Variants in TTI1 observed in about 807,000 individuals in gnomAD.
TTI1 encodes the protein TELO2 interacting protein 1.
Under a neutral mutation model 85.4 loss-of-function variants are expected in TTI1, and 52 were observed. The ratio of observed to expected loss-of-function variants is 0.61; its 90% CI spans 0.49 to 0.77. The LOEUF (loss-of-function observed/expected upper bound fraction) is 0.77, where lower values mean the gene tolerates loss of function less well. Among genes scored for constraint, TTI1 ranks in the 30% least tolerant of loss-of-function variants. The pLI is 0.00. For synonymous variants in TTI1, 512 were observed against 503.9 expected (o/e 1.02, Z -0.22); for missense variants, 1,173 against 1,296.0 (o/e 0.91, Z 1.46).
At position 37,996,342 on chromosome 20, in the gene TTI1, C is replaced by T. The variant is rs368305458; in HGVS notation, c.3086+33G>A. On this transcript the variant is annotated intron_variant, in intron 7 of 7. Transcript: ENST00000373447. ...CAAATCATCTGTAATTTAGAACAAA[C>T]GTAAAGGGATGCGGGTGATCAGGCA... is the stretch of plus-strand genomic sequence containing the variant. The T allele has an allele frequency of 9.3e-5, 150 of 1,611,474 alleles. No homozygotes were observed. In the African/African-American group the frequency reaches 1.1e-3, roughly 11 times the overall value.
intron 1 of TTI1, among the ~76,000 whole-genome samples, chr20:38,030,473 T>C (rs139025233): frequency 6.6e-6 from 1 of 151,470 alleles, no homozygotes; most frequent in South Asian, 2.1e-4. Flanking sequence ...ATTTCTCTCA[T>C]GAGTATAGAT....
chr20:37,995,406 T>A (rs1337234041), intron 7 of TTI1, among the ~76,000 whole-genome samples: 1 of 152,218 alleles, frequency 6.6e-6, no homozygotes, highest in Non-Finnish European at 1.5e-5. Flanking sequence ...AGGGAATGAG[T>A]TGACTCCTAA....
At chr20:38,015,737 T>G (rs1404289061) in intron 1 of TTI1, among the ~76,000 whole-genome samples, 3 of 152,152 alleles carry the variant, frequency 2.0e-5, no homozygotes, top group Non-Finnish European at 4.4e-5. Flanking sequence ...AAAGCTCCAC[T>G]GATGAAATTT....
chr20:38,016,909 G>A (rs958726673), intron 1 of TTI1, among the ~76,000 whole-genome samples: 8 of 152,182 alleles, frequency 5.3e-5, no homozygotes, highest in Non-Finnish European at 1.0e-4. Flanking sequence ...CATGGCATAC[G>A]GGGCCTTTCA....
chr20:38,030,027 G>A (rs1359503349), intron 1 of TTI1, among the ~76,000 whole-genome samples: 1 of 152,036 alleles, frequency 6.6e-6, no homozygotes, highest in African/African-American at 2.4e-5. Flanking sequence ...TCTGTTATAA[G>A]CAACAGAAAA....
Position 38,012,169 on chromosome 20 carries a change from G to A in TTI1, c.1648C>T (p.Pro550Ser). The change falls in exon 2 of 8, where the codon CCA becomes TCA. Residue 550 changes from proline to serine, a missense_variant. Pro to Ser is a moderately conservative substitution (Grantham distance 74). Coordinates refer to ENST00000373447, the MANE Select transcript of TTI1 (RefSeq NM_001303457.2). ...DLHEKHIKTN[P>S]EELREIVTSI... Reference sequence around the variant, plus strand: ...GTCACAATCTCTCTCAGTTCTTCTGGGTTTGTTTTAATATGTTTTTCGTGA... The same window carrying A: ...GTCACAATCTCTCTCAGTTCTTCTGAGTTTGTTTTAATATGTTTTTCGTGA... 4 of 1,614,030 alleles carry A rather than the reference G, an allele frequency of 2.5e-6. No homozygotes were observed. The highest frequency in any genetic ancestry group is 3.4e-6 in the Non-Finnish European group (4 of 1,180,028).
intron 1 of TTI1, among the ~76,000 whole-genome samples, chr20:38,028,390 G>A (rs1335222874): frequency 6.6e-6 from 1 of 152,142 alleles, no homozygotes; most frequent in African/African-American, 2.4e-5. Context: ...ATTAGCACCA[G>A]ATAAAGTAGA....
At position 38,012,282 on chromosome 20, in the gene TTI1, TA is replaced by T. The variant is rs2073607319; in HGVS notation, c.1534del (p.Tyr512ThrfsTer13). The T allele has an allele frequency of 6.2e-6, 10 of 1,614,180 alleles. No homozygotes were observed. In the East Asian group the frequency reaches 2.2e-4, roughly 36 times the overall value. ...CTTCCGGTAAACCACAGATTGATGG[TA>T]AAGTTCCATAAAGTGATCCACAAGC... is the stretch of plus-strand genomic sequence containing the variant. ...YLLVDHFMEL[Y>X]HQSVVYRKQA... On this transcript the variant is annotated frameshift_variant, in exon 2 of 8. Coordinates refer to ENST00000373447, the MANE Select transcript of TTI1 (RefSeq NM_001303457.2). LOFTEE classifies it high-confidence loss of function.
At chr20:38,031,813 G>C (rs934481435) in intron 1 of TTI1, among the ~76,000 whole-genome samples, 1 of 152,106 alleles carries the variant, frequency 6.6e-6, no homozygotes, top group Non-Finnish European at 1.5e-5. Context: ...AGTACATAGG[G>C]TACTTAACCA....
chr20:37,994,634 G>C (rs1600609808), intron 7 of TTI1, among the ~76,000 whole-genome samples: 1 of 152,102 alleles, frequency 6.6e-6, no homozygotes, highest in South Asian at 2.1e-4. Context: ...CCAACTTCAA[G>C]ATAAGTTTGC....
At chr20:37,990,940 T>G (rs1345428998) in intron 7 of TTI1, among the ~76,000 whole-genome samples, 5 of 152,252 alleles carry the variant, frequency 3.3e-5, no homozygotes, top group Non-Finnish European at 1.5e-5. Flanking sequence ...AGCACTGAAT[T>G]TAAGTAGATT....
intron 7 of TTI1, among the ~76,000 whole-genome samples, chr20:37,992,338 T>C (rs1248635725): frequency 1.3e-5 from 2 of 152,122 alleles, no homozygotes; most frequent in East Asian, 3.9e-4. Flanking sequence ...TGCAGTGGTG[T>C]GATCACGGCT....
intron 1 of TTI1, among the ~76,000 whole-genome samples, chr20:38,021,047 T>G (rs1568629553): frequency 6.6e-6 from 1 of 152,192 alleles, no homozygotes; most frequent in Non-Finnish European, 1.5e-5. Flanking sequence ...AAAGATATAT[T>G]CTGGAATTTA....
At chr20:38,020,666 A>G (rs956263009) in intron 1 of TTI1, among the ~76,000 whole-genome samples, 4 of 152,162 alleles carry the variant, frequency 2.6e-5, no homozygotes, top group African/African-American at 7.2e-5. Context: ...AAGGAAAGAC[A>G]ACCTAACAGA....
chr20:37,993,906 G>A (rs76081218), intron 7 of TTI1, among the ~76,000 whole-genome samples: 3 of 152,354 alleles, frequency 2.0e-5, no homozygotes, highest in African/African-American at 7.2e-5. Flanking sequence ...GACTGGAAGT[G>A]GGACCAGTGG....
intron 7 of TTI1, among the ~76,000 whole-genome samples, chr20:37,992,817 C>T (rs558417826): frequency 2.0e-5 from 3 of 152,164 alleles, no homozygotes; most frequent in East Asian, 1.9e-4. Flanking sequence ...ATTCCTTTCA[C>T]GTACAGGAGG....
chr20:37,991,800 T>G (rs528724728), intron 7 of TTI1, among the ~76,000 whole-genome samples: 47 of 152,240 alleles, frequency 3.1e-4, no homozygotes, highest in African/African-American at 1.1e-3. Flanking sequence ...AAGCAGAGGG[T>G]AGAGGCCCCT....
intron 1 of TTI1, among the ~76,000 whole-genome samples, chr20:38,021,802 C>T (rs1600651889): frequency 6.6e-6 from 1 of 152,222 alleles, no homozygotes; most frequent in East Asian, 1.9e-4. Flanking sequence ...CAGGGGTGGG[C>T]TATAAGTAAG....
chr20:37,996,623 C>G (rs2073343602), intron 6 of TTI1, 126 bp downstream of exon 6: 1 of 1,407,266 alleles, frequency 7.1e-7, no homozygotes, highest in African/African-American at 1.4e-5. Flanking sequence ...ACAAATGAGG[C>G]CAAAATAAGA....
Sources: gnomAD v4.1 joint callset for allele counts (sites outside exome capture counted in the v4.1 genomes callset) on GRCh38, gnomAD v4.1.1 for gene constraint, MANE v1.5 for transcripts, NCBI Gene and HGNC (gene_info 2026-07-23, HGNC 2026-07-21) for gene names.